The following ABTB2 variants were observed in gnomAD, a reference collection of about 807,000 sequenced individuals.
ABTB2 encodes ankyrin repeat and BTB/POZ domain-containing protein 2.
Under a neutral mutation model 104.1 loss-of-function variants are expected in ABTB2, and 56 were observed. The ratio of observed to expected loss-of-function variants is 0.54; its 90% CI spans 0.43 to 0.67. The LOEUF (loss-of-function observed/expected upper bound fraction) is 0.67. Among genes scored for constraint, ABTB2 ranks in the 30% least tolerant of loss-of-function variants. The pLI is 0.00. For synonymous variants in ABTB2, 606 were observed against 608.2 expected, an observed-to-expected ratio of 1.00 and a Z score of 0.05; for missense variants, 1,279 against 1,407.7, an observed-to-expected ratio of 0.91 and a Z score of 1.46.
chr11:34,307,791 C>T (rs1017584044), intron 1 of ABTB2, among the ~76,000 whole-genome samples: 4 of 151,994 alleles, frequency 2.6e-5, no homozygotes, highest in African/African-American at 4.8e-5. Flanking sequence ...CTCCGTCTCC[C>T]GGGTTTAAGC....
At chr11:34,231,654 T>A (rs893096464) in intron 1 of ABTB2, among the ~76,000 whole-genome samples, 4 of 152,284 alleles carry the variant, frequency 2.6e-5, no homozygotes, top group African/African-American at 7.2e-5. Context: ...CACTGCAAAC[T>A]CCGCCTCCTG....
At chr11:34,334,411 G>T (rs1227431237) in intron 1 of ABTB2, among the ~76,000 whole-genome samples, 1 of 152,076 alleles carries the variant, frequency 6.6e-6, no homozygotes, top group African/African-American at 2.4e-5. Flanking sequence ...AATCAGAAAG[G>T]GTATGAATGG....
At chr11:34,204,759 G>T in intron 1 of ABTB2, 69 bp from the exon 2 acceptor site, 1 of 1,524,366 alleles carries the variant, frequency 6.6e-7, no homozygotes, top group Non-Finnish European at 8.9e-7. Context: ...CCAGCCTGCT[G>T]CAGGCAGGGC....
chr11:34,196,378 C>T (rs951061902), intron 3 of ABTB2, among the ~76,000 whole-genome samples: 1 of 152,084 alleles, frequency 6.6e-6, no homozygotes, highest in Non-Finnish European at 1.5e-5. Context: ...ACAGTGCAAC[C>T]CCGTCTCTAC....
rs1450694826 is a variant in ABTB2 at position 34,240,167 on chromosome 11, G to GTGTGCA, written c.884-35483_884-35478dup. On this transcript the variant is annotated intron_variant, in intron 1 of 16. Coordinates refer to ENST00000435224, the MANE Select transcript of ABTB2 (RefSeq NM_145804.3). ...GAACAGATGAGAAGAAAAAGGTTGT[G>GTGTGCA]TGTGCATTCCCCCCACTGCCCTCTT... Among the ~76,000 whole-genome samples, 10 of 152,308 alleles carry GTGTGCA rather than the reference G, an allele frequency of 6.6e-5. No homozygotes were observed. The East Asian group carries it at 1.7e-3, about 26-fold the overall frequency.
intron 1 of ABTB2, among the ~76,000 whole-genome samples, chr11:34,292,101 A>G (rs1040036654): frequency 3.9e-5 from 6 of 152,192 alleles, no homozygotes; most frequent in African/African-American, 1.4e-4. Flanking sequence ...AAATCTAAAT[A>G]GACCTTAAGT....
At position 34,356,932 on chromosome 11, in the gene ABTB2, G is replaced by C; in HGVS notation, c.652C>G (p.Arg218Gly). The change falls in exon 1 of 17, where the codon CGA becomes GGA. Residue 218 changes from arginine to glycine, a missense_variant. By Grantham distance (125) the Arg-to-Gly change is moderately radical (BLOSUM62 -2). Transcript: ENST00000435224. The surrounding 1 kb of genome is among the most constrained non-coding windows in gnomAD (Gnocchi z 4.6). ...TACTCGTGGATGCGCACGGAGATTC[G>C]GGTGTCCACCATCCAGCGGAAAAAG... ...GRFFRWMVDT[R>G]ISVRIHEYAA... 1 of 1,601,366 alleles carries C rather than the reference G, an allele frequency of 6.2e-7. No homozygotes were observed.
intron 1 of ABTB2, among the ~76,000 whole-genome samples, chr11:34,217,470 G>GT (rs1330331345): frequency 1.3e-5 from 2 of 151,372 alleles, no homozygotes; most frequent in African/African-American, 4.9e-5. Flanking sequence ...TTTTTGTTTT[G>GT]TTTTGTTTTC....
At chr11:34,250,148 T>C (rs1854038091) in intron 1 of ABTB2, among the ~76,000 whole-genome samples, 1 of 152,140 alleles carries the variant, frequency 6.6e-6, no homozygotes, top group African/African-American at 2.4e-5. Context: ...CTGGGTGTTC[T>C]AAGAGCACAG....
At chr11:34,251,734 T>C (rs981794112) in intron 1 of ABTB2, among the ~76,000 whole-genome samples, 3 of 152,006 alleles carry the variant, frequency 2.0e-5, no homozygotes, top group African/African-American at 7.3e-5. Flanking sequence ...ATATAAGGAA[T>C]TACAGTAAAG....
chr11:34,335,327 G>A, intron 1 of ABTB2: 1 of 1,009,934 alleles, frequency 9.9e-7, no homozygotes, highest in Non-Finnish European at 1.6e-6. Context: ...CAGATGATGG[G>A]TCAGTAAAGT....
chr11:34,226,545 C>G (rs1182354153), intron 1 of ABTB2, among the ~76,000 whole-genome samples: 1 of 152,216 alleles, frequency 6.6e-6, no homozygotes, highest in Non-Finnish European at 1.5e-5. Context: ...AGTTAAGCTA[C>G]TTGCCCAAGG....
Position 34,162,784 on chromosome 11 carries a change from CAGG to C in ABTB2, c.2007_2009del (p.Leu670del), listed in dbSNP as rs1458249770. The C allele has an allele frequency of 5.6e-6, 9 of 1,605,576 alleles. No individual in the cohort carries two copies. Among genetic ancestry groups the C allele is most frequent in the South Asian group, 1.1e-5 (1 of 91,020 alleles). ...CCGCTTTAGCCTGCTGTGGCTGCGTCAGGAGCTTCCTCAGGACGTTCCTGCAGG... is the reference window on the plus strand; with the variant it reads ...CCGCTTTAGCCTGCTGTGGCTGCGTCAGCTTCCTCAGGACGTTCCTGCAGG... On this transcript the variant is annotated inframe_deletion, in exon 10 of 17. Transcript: ENST00000435224.
At chr11:34,310,668 C>A (rs192409803) in intron 1 of ABTB2, among the ~76,000 whole-genome samples, 1 of 152,254 alleles carries the variant, frequency 6.6e-6, no homozygotes, top group African/African-American at 2.4e-5. Flanking sequence ...CCTCCCTCAC[C>A]CCCCAGCACC....
In ABTB2 at chr11:34,164,792, T is replaced by C; in HGVS notation, c.1882A>G (p.Ser628Gly). ...GNYELVSLLL[S>G]RGADPLLSML... ...CTGAGGAGGGGGTCGGCGCCTCGGCTCAGCAACAAACTGACCAGCTCATAG... is the reference window on the plus strand; with the variant it reads ...CTGAGGAGGGGGTCGGCGCCTCGGCCCAGCAACAAACTGACCAGCTCATAG... The change falls in exon 9 of 17, where the codon AGC (serine) becomes GGC (glycine). Residue 628 changes from serine to glycine, a missense_variant. Coordinates refer to ENST00000435224, the MANE Select transcript of ABTB2 (RefSeq NM_145804.3). 6.3e-7 allele frequency: 1 copy of C among 1,578,664 alleles called. No homozygotes were observed. The highest frequency in any genetic ancestry group is 1.2e-5 in the South Asian group (1 of 85,094).
chr11:34,247,354 A>G (rs539427049), intron 1 of ABTB2, among the ~76,000 whole-genome samples: 2 of 152,350 alleles, frequency 1.3e-5, no homozygotes, highest in South Asian at 4.1e-4. Flanking sequence ...AGCCATACAC[A>G]TTCAGTAGCA....
chr11:34,275,919 CTG>C (rs1401711256), intron 1 of ABTB2, among the ~76,000 whole-genome samples: 1 of 152,210 alleles, frequency 6.6e-6, no homozygotes, highest in Non-Finnish European at 1.5e-5. Context: ...GAGAAGACAG[CTG>C]TCGTCCTGGA....
Position 34,224,513 on chromosome 11 carries a change from T to C in ABTB2, c.884-19823A>G, listed in dbSNP as rs966178744. Among the ~76,000 whole-genome samples, 9 of 152,218 alleles carry C rather than the reference T, an allele frequency of 5.9e-5. 1 individual carries two copies. Among genetic ancestry groups the C allele is most frequent in the Admixed American group, 2.6e-4 (4 of 15,282 alleles). ...TCTCTTTGACCATCCTTTCTTTCTATCAAGTGACTGGCTGCCATGGTCTTC... is the reference window on the plus strand; with the variant it reads ...TCTCTTTGACCATCCTTTCTTTCTACCAAGTGACTGGCTGCCATGGTCTTC... On this transcript the variant is annotated intron_variant, in intron 1 of 16. Transcript: ENST00000435224.
At position 34,357,266 on chromosome 11, in the gene ABTB2, C is replaced by T. The variant is rs1437317589; in HGVS notation, c.318G>A (p.Arg106=). 2 of 1,496,966 alleles carry T rather than the reference C, an allele frequency of 1.3e-6. No individual in the cohort carries two copies. The highest frequency in any genetic ancestry group is 1.8e-6 in the Non-Finnish European group (2 of 1,127,016). The allele number at this position is 1,496,966 out of a possible 1,614,324, so 92.7% of individuals were successfully genotyped here. A position where few individuals can be genotyped will look rare whatever the true frequency, so the allele number is the denominator to read the frequency against. The change falls in exon 1 of 17, where the codon CGG becomes CGA. Residue 106 remains arginine, a synonymous_variant. Coordinates refer to ENST00000435224, the MANE Select transcript of ABTB2 (RefSeq NM_145804.3). The stretch of plus-strand genomic sequence containing the variant: ...GGCCGCCAGCGCCTTTGCGGAGCAC[C>T]CGGGCCACGTCTCCTTCGGTCCAGG... ...EFPWTEGDVA[R]VLRKGAGGRR... is the part of the protein sequence containing the mutation.
Sources: gnomAD v4.1 joint callset for allele counts (sites outside exome capture counted in the v4.1 genomes callset) on GRCh38, gnomAD v4.1.1 for gene constraint, Gnocchi (gnomAD v3.1) non-coding constraint, MANE v1.5 for transcripts, NCBI Gene and HGNC (gene_info 2026-07-23, HGNC 2026-07-21) for gene names.